The following DMD variants were observed in gnomAD, a reference collection of about 807,000 sequenced individuals.
DMD encodes dystrophin.
A neutral mutation model predicts 330.1 loss-of-function variants in DMD; 63 were observed. The observed-to-expected ratio is 0.19, with a 90% CI of 0.16 to 0.24. The LOEUF is 0.24. Ranked by LOEUF, DMD falls within the 10% of genes least tolerant of loss-of-function variation. The pLI is 1.00. For synonymous variants in DMD, 1,223 were observed against 959.8 expected, an observed-to-expected ratio of 1.27 and a Z score of -5.07; for missense variants, 3,344 against 2,684.1, an observed-to-expected ratio of 1.25 and a Z score of -5.43.
intron 44 of DMD, among the ~76,000 whole-genome samples, chrX:32,207,165 G>A (rs762641334): frequency 9.0e-6 from 1 of 111,674 alleles, no homozygotes; most frequent in African/African-American, 3.3e-5. Context: ...TGGTTTCAAT[G>A]TTTTTCCCTC....
At chrX:33,193,652 C>G (rs1018891943) in intron 1 of DMD, among the ~76,000 whole-genome samples, 1 of 111,995 alleles carries the variant, frequency 8.9e-6, no homozygotes, top group Non-Finnish European at 1.9e-5. Flanking sequence ...AATTGAAACG[C>G]GCATGCAAAA....
intron 55 of DMD, among the ~76,000 whole-genome samples, chrX:31,550,505 T>C (rs754137572): frequency 8.9e-6 from 1 of 112,290 alleles, no homozygotes; most frequent in Non-Finnish European, 1.9e-5. Flanking sequence ...AATAATTTCC[T>C]TTCCTCTTTA....
chrX:32,288,891 T>C (rs5972518), intron 42 of DMD, among the ~76,000 whole-genome samples: 31,294 of 110,101 alleles, frequency 0.28, 3,392 homozygotes, highest in Middle Eastern at 0.37. Context: ...CTTATTCCTG[T>C]GAACCTGCCA....
At chrX:31,556,448 T>A (rs1254331548) in intron 55 of DMD, among the ~76,000 whole-genome samples, 2 of 107,493 alleles carry the variant, frequency 1.9e-5, no homozygotes, top group Non-Finnish European at 3.8e-5. Context: ...ATGAAGATCA[T>A]TCGTTGAATT....
chrX:31,599,798 G>C (rs977609828), intron 55 of DMD, among the ~76,000 whole-genome samples: 3 of 112,072 alleles, frequency 2.7e-5, no homozygotes, highest in Non-Finnish European at 5.6e-5. Context: ...AAAGTACTAT[G>C]TGTTCATAAT....
At chrX:32,559,147 T>A (rs2050711498) in intron 16 of DMD, among the ~76,000 whole-genome samples, 1 of 108,542 alleles carries the variant, frequency 9.2e-6, no homozygotes, top group Non-Finnish European at 1.9e-5. Flanking sequence ...AAGATGGGGT[T>A]TCACCATGTT....
intron 1 of DMD, among the ~76,000 whole-genome samples, chrX:33,177,545 C>T (rs147442992): frequency 0.051 from 5,594 of 110,158 alleles, 117 homozygotes; most frequent in Middle Eastern, 0.075. Flanking sequence ...CCACCATGCC[C>T]GACTAATTTT....
At chrX:31,910,618 A>C (rs992555896) in intron 47 of DMD, among the ~76,000 whole-genome samples, 6 of 112,039 alleles carry the variant, frequency 5.4e-5, no homozygotes, top group African/African-American at 1.9e-4. Flanking sequence ...TTGTAAGTGA[A>C]ATACTGCTGT....
intron 77 of DMD, among the ~76,000 whole-genome samples, chrX:31,132,061 G>A (rs943555962): frequency 2.7e-5 from 3 of 111,731 alleles, no homozygotes; most frequent in East Asian, 5.6e-4. Flanking sequence ...TGAGTAAGCC[G>A]GAACTTAAGT....
chrX:31,453,278 C>T (rs1417243674), intron 59 of DMD, among the ~76,000 whole-genome samples: 1 of 111,340 alleles, frequency 9.0e-6, no homozygotes, highest in Non-Finnish European at 1.9e-5. Context: ...TCTGCTGCCT[C>T]AGCCTCCCAA....
intron 44 of DMD, among the ~76,000 whole-genome samples, chrX:32,170,508 T>C (rs1684080651): frequency 9.3e-6 from 1 of 108,033 alleles, no homozygotes. Context: ...ATTATTACTA[T>C]AAGAATAAAT....
intron 49 of DMD, among the ~76,000 whole-genome samples, chrX:31,835,880 A>T (rs1184047836): frequency 8.9e-6 from 1 of 111,851 alleles, no homozygotes; most frequent in East Asian, 2.8e-4. Context: ...CAAGCCTGCA[A>T]CATTAACTGA....
At chrX:32,645,255 G>T in intron 9 of DMD, 103 bp from the exon 10 acceptor site, 1 of 888,936 alleles carries the variant, frequency 1.1e-6, no homozygotes, top group East Asian at 3.2e-5. Context: ...TGCTAGGACT[G>T]TCCACTGGCA....
intron 7 of DMD, among the ~76,000 whole-genome samples, chrX:32,802,406 GAT>G (rs1344810357): frequency 8.9e-6 from 1 of 111,891 alleles, no homozygotes; most frequent in Non-Finnish European, 1.9e-5. Flanking sequence ...TTTCGGCTGA[GAT>G]GATGGGGTTT....
rs183997831 is a variant in DMD, at chrX:31,462,691, C to T, written c.8937+15415G>A. Among the ~76,000 whole-genome samples the T allele has an allele frequency of 1.2e-3, 137 of 111,619 alleles. 1 individual carries two copies. Among genetic ancestry groups the T allele is most frequent in the Admixed American group, 1.3e-3 (14 of 10,462 alleles). Reference sequence around the variant, plus strand: ...GCACCTAGACCCCTGTTCTCAGGGTCTGCGTTCATGGAACCTGACTTAAAA... The same window carrying T: ...GCACCTAGACCCCTGTTCTCAGGGTTTGCGTTCATGGAACCTGACTTAAAA... On this transcript the variant is annotated intron_variant, in intron 59 of 78. Coordinates refer to ENST00000357033, the MANE Select transcript of DMD (RefSeq NM_004006.3).
intron 2 of DMD, among the ~76,000 whole-genome samples, chrX:32,983,087 C>G (rs1290017658): frequency 9.0e-6 from 1 of 111,654 alleles, no homozygotes; most frequent in Non-Finnish European, 1.9e-5. Context: ...CTCACAGGAC[C>G]AGAGTGAGAA....
intron 2 of DMD, among the ~76,000 whole-genome samples, chrX:32,910,848 A>G (rs1488452027): frequency 8.9e-6 from 1 of 112,019 alleles, no homozygotes; most frequent in East Asian, 2.8e-4. Context: ...CTTTCTCTCA[A>G]GTAGTATCTT....
chrX:32,300,984 C>A (rs1022846012), intron 42 of DMD, among the ~76,000 whole-genome samples: 1 of 110,533 alleles, frequency 9.0e-6, no homozygotes, highest in African/African-American at 3.3e-5. Flanking sequence ...GATTAAGCAA[C>A]TTCATAGGTA....
intron 44 of DMD, among the ~76,000 whole-genome samples, chrX:32,165,301 G>T (rs987208597): frequency 4.4e-5 from 5 of 112,665 alleles, no homozygotes; most frequent in Non-Finnish European, 9.4e-5. Context: ...ACCCACAGGG[G>T]TGGAGCTTAC....
Sources: gnomAD v4.1 joint callset for allele counts (sites outside exome capture counted in the v4.1 genomes callset) on GRCh38, gnomAD v4.1.1 for gene constraint, MANE v1.5 for transcripts, NCBI Gene and HGNC (gene_info 2026-07-23, HGNC 2026-07-21) for gene names.